Variants in B3GALT1 observed in about 807,000 individuals in gnomAD.
The protein encoded by B3GALT1 is UDP-Gal:betaGlcNAc beta 1,3-galactosyltransferase, polypeptide 1.
B3GALT1 carries 10 observed loss-of-function variants against 23.2 expected under a neutral mutation model. That is an observed-to-expected ratio of 0.43 (90% CI 0.27 to 0.73). B3GALT1 has a LOEUF of 0.73. B3GALT1 is among the 30% of genes least tolerant of loss of function. The pLI, the probability that B3GALT1 is intolerant of heterozygous loss-of-function variation, is 0.21. For missense variants in B3GALT1, 299 were observed against 405.4 expected, an observed-to-expected ratio of 0.74 and a Z score of 2.25; for synonymous variants, 156 against 141.5, an observed-to-expected ratio of 1.10 and a Z score of -0.73.
intron 3 of B3GALT1, among the ~76,000 whole-genome samples, chr2:167,670,715 G>T (rs935624903): frequency 2.0e-5 from 3 of 151,986 alleles, no homozygotes; most frequent in African/African-American, 7.3e-5. Context: ...TCATGAAAAA[G>T]AACCAAACAG....
intron 2 of B3GALT1, among the ~76,000 whole-genome samples, chr2:167,553,725 C>A (rs1303770409): frequency 1.3e-5 from 2 of 152,108 alleles, no homozygotes; most frequent in Non-Finnish European, 2.9e-5. Flanking sequence ...GAAACAAAAT[C>A]TTTTTCTTGG....
At chr2:167,457,690 T>C (rs1360122530) in intron 1 of B3GALT1, among the ~76,000 whole-genome samples, 1 of 152,158 alleles carries the variant, frequency 6.6e-6, no homozygotes, top group Non-Finnish European at 1.5e-5. Flanking sequence ...ATGGCTGTGG[T>C]GTAGGCTGCT....
At chr2:167,319,408 A>G (rs1013032265) in intron 1 of B3GALT1, among the ~76,000 whole-genome samples, 5 of 152,152 alleles carry the variant, frequency 3.3e-5, no homozygotes, top group African/African-American at 1.2e-4. Context: ...GATAATAATC[A>G]TGCACAAATG....
chr2:167,374,274 C>T (rs1218268741), intron 1 of B3GALT1, among the ~76,000 whole-genome samples: 1 of 152,112 alleles, frequency 6.6e-6, no homozygotes, highest in Non-Finnish European at 1.5e-5. Flanking sequence ...CTGATGGACA[C>T]CTACGTTGAT....
At chr2:167,548,502 G>T (rs1683681593) in intron 2 of B3GALT1, among the ~76,000 whole-genome samples, 1 of 152,132 alleles carries the variant, frequency 6.6e-6, no homozygotes, top group Non-Finnish European at 1.5e-5. Context: ...GAGGGTGTGG[G>T]CCCTTCTTCT....
At chr2:167,686,505 C>G (rs949051622) in intron 3 of B3GALT1, among the ~76,000 whole-genome samples, 1 of 152,150 alleles carries the variant, frequency 6.6e-6, no homozygotes, top group African/African-American at 2.4e-5. Context: ...TTTTAAGCAT[C>G]TACTGTAAGT....
At chr2:167,323,345 T>C (rs1223040051) in intron 1 of B3GALT1, among the ~76,000 whole-genome samples, 1 of 152,118 alleles carries the variant, frequency 6.6e-6, no homozygotes, top group Non-Finnish European at 1.5e-5. Context: ...AAATCCTTAG[T>C]TGAGGTCTGT....
intron 3 of B3GALT1, among the ~76,000 whole-genome samples, chr2:167,775,233 C>T (rs933888504): frequency 3.9e-5 from 6 of 152,018 alleles, no homozygotes; most frequent in East Asian, 1.9e-4. Context: ...ATGGTACATC[C>T]AAATGATGGC....
intron 3 of B3GALT1, among the ~76,000 whole-genome samples, chr2:167,679,469 G>T (rs1384947129): frequency 6.6e-6 from 1 of 152,326 alleles, no homozygotes; most frequent in African/African-American, 2.4e-5. Context: ...GGTCAGGCTG[G>T]CCTGGAACTC....
intron 2 of B3GALT1, among the ~76,000 whole-genome samples, chr2:167,517,419 A>G (rs1265099057): frequency 6.6e-6 from 1 of 151,668 alleles, no homozygotes; most frequent in Non-Finnish European, 1.5e-5. Context: ...AGAAGGAGTT[A>G]AAAAAAATAG....
At chr2:167,727,682 A>G (rs1279111872) in intron 3 of B3GALT1, among the ~76,000 whole-genome samples, 1 of 152,194 alleles carries the variant, frequency 6.6e-6, no homozygotes, top group Non-Finnish European at 1.5e-5. Flanking sequence ...GAGGCTGGGT[A>G]CATTCCATCC....
chr2:167,722,831 A>G (rs896255840), intron 3 of B3GALT1, among the ~76,000 whole-genome samples: 1 of 152,202 alleles, frequency 6.6e-6, no homozygotes, highest in South Asian at 2.1e-4. Flanking sequence ...ATAAAACTGA[A>G]TTGGCCCCAA....
At chr2:167,440,794 T>G (rs368335634) in intron 1 of B3GALT1, among the ~76,000 whole-genome samples, 1 of 152,152 alleles carries the variant, frequency 6.6e-6, no homozygotes, top group African/African-American at 2.4e-5. Context: ...TTTAAGTAAG[T>G]TTTCCTTTAC....
At chr2:167,742,871 C>G (rs1187686840) in intron 3 of B3GALT1, among the ~76,000 whole-genome samples, 1 of 152,090 alleles carries the variant, frequency 6.6e-6, no homozygotes, top group Non-Finnish European at 1.5e-5. Context: ...CTGCTCTTTA[C>G]TTCCTGCTCA....
intron 2 of B3GALT1, among the ~76,000 whole-genome samples, chr2:167,561,852 T>C (rs1306755428): frequency 6.6e-6 from 1 of 152,122 alleles, no homozygotes; most frequent in Non-Finnish European, 1.5e-5. Context: ...ACCAGATGGA[T>C]TCACAGCCAA....
At chr2:167,411,225 A>G (rs1698385803) in intron 1 of B3GALT1, among the ~76,000 whole-genome samples, 2 of 115,808 alleles carry the variant, frequency 1.7e-5, no homozygotes, top group African/African-American at 7.7e-5. Context: ...TCTTCTGTAT[A>G]ACAACAACAA....
Position 167,645,113 on chromosome 2 carries a change from A to G in B3GALT1, c.-409-1796A>G, listed in dbSNP as rs1431306717. On this transcript the variant is annotated intron_variant, in intron 2 of 4. Transcript: ENST00000392690. Reference sequence around the variant, plus strand: ...CACCCCTCTTGTTATCTTCAAAGCAAAACTCATAGTGAGGCCGGCAAGAGT... The same window carrying G: ...CACCCCTCTTGTTATCTTCAAAGCAGAACTCATAGTGAGGCCGGCAAGAGT... Among the ~76,000 whole-genome samples the G allele has an allele frequency of 2.0e-5, 3 of 152,282 alleles. No homozygotes were observed. The East Asian group carries it at 5.8e-4, about 29-fold the overall frequency.
At chr2:167,619,394 C>T (rs1205941013) in intron 2 of B3GALT1, among the ~76,000 whole-genome samples, 1 of 151,916 alleles carries the variant, frequency 6.6e-6, no homozygotes, top group Admixed American at 6.6e-5. Flanking sequence ...CTAATGGCTG[C>T]CCCCCAACAT....
intron 3 of B3GALT1, among the ~76,000 whole-genome samples, chr2:167,731,480 A>G (rs556096541): frequency 6.6e-6 from 1 of 152,292 alleles, no homozygotes; most frequent in African/African-American, 2.4e-5. Context: ...TGAACACCAT[A>G]TGGAATCAGG....
Sources: gnomAD v4.1 joint callset for allele counts (sites outside exome capture counted in the v4.1 genomes callset) on GRCh38, gnomAD v4.1.1 for gene constraint, MANE v1.5 for transcripts, NCBI Gene and HGNC (gene_info 2026-07-23, HGNC 2026-07-21) for gene names.